PCSK2: variants seen among roughly 807,000 people sequenced by gnomAD.
The protein encoded by PCSK2 is proprotein convertase subtilisin/kexin type 2, also known as neuroendocrine convertase 2.
In PCSK2, 14 loss-of-function variants were observed where a neutral mutation model predicts 69.7. The ratio of observed to expected loss-of-function variants is 0.20; its 90% confidence interval spans 0.13 to 0.31. The LOEUF is 0.31. Among genes scored for constraint, PCSK2 ranks in the 10% least tolerant of loss-of-function variants. PCSK2 has a pLI of 1.00. For missense variants in PCSK2, 544 were observed against 842.5 expected, an observed-to-expected ratio of 0.65 and a Z score of 4.39; for synonymous variants, 307 against 320.7, an observed-to-expected ratio of 0.96 and a Z score of 0.46.
intron 2 of PCSK2, among the ~76,000 whole-genome samples, chr20:17,275,588 G>A (rs929867911): frequency 1.3e-5 from 2 of 152,146 alleles, no homozygotes; most frequent in African/African-American, 4.8e-5. Flanking sequence ...AAAGTAACCT[G>A]ACTAAAAATG....
intron 2 of PCSK2, among the ~76,000 whole-genome samples, chr20:17,333,409 G>A (rs1990253372): frequency 6.6e-6 from 1 of 152,140 alleles, no homozygotes; most frequent in Admixed American, 6.5e-5. Context: ...AGAATCTCAT[G>A]CTTCATGCTC....
intron 11 of PCSK2, among the ~76,000 whole-genome samples, chr20:17,470,487 C>T (rs895637278): frequency 5.3e-5 from 8 of 152,144 alleles, no homozygotes; most frequent in Non-Finnish European, 1.0e-4. Flanking sequence ...GAAGATGAGA[C>T]TGCAAGAAAG....
chr20:17,438,744 G>GC (rs1239457656), intron 8 of PCSK2, among the ~76,000 whole-genome samples: 5 of 152,286 alleles, frequency 3.3e-5, no homozygotes, highest in South Asian at 2.1e-4. Context: ...AGAAAGTTAT[G>GC]CCCCCCACAC....
chr20:17,482,158 C>A lies in PCSK2; in HGVS notation c.*88C>A. On this transcript the variant is annotated 3_prime_UTR_variant, in exon 12 of 12. Coordinates refer to ENST00000262545, the MANE Select transcript of PCSK2 (RefSeq NM_002594.5). ...GTTTCAGGCAGGCACCTAGCAATTC[C>A]ATCACCCGTACAGGCAATTCCGTCT... 8.0e-7 allele frequency: 1 copy of A among 1,253,604 alleles called. No homozygotes were observed. Among genetic ancestry groups the A allele is most frequent in the Non-Finnish European group, 1.1e-6 (1 of 922,468 alleles). The allele number at this position is 1,253,604 out of a possible 1,614,324, so 77.7% of individuals were successfully genotyped here.
chr20:17,274,844 G>C (rs1988000880), intron 2 of PCSK2, among the ~76,000 whole-genome samples: 2 of 151,980 alleles, frequency 1.3e-5, no homozygotes, highest in South Asian at 4.1e-4. Context: ...CAGTGCAGAG[G>C]GGATGAGTGG....
intron 2 of PCSK2, among the ~76,000 whole-genome samples, chr20:17,289,705 A>AT (rs543913513): frequency 2.5e-4 from 38 of 151,666 alleles, no homozygotes; most frequent in Admixed American, 2.6e-4. Flanking sequence ...TTTTGTCTCT[A>AT]TTTTTTTTAT....
intron 2 of PCSK2, among the ~76,000 whole-genome samples, chr20:17,318,092 G>C (rs979579237): frequency 1.3e-5 from 2 of 152,200 alleles, no homozygotes; most frequent in African/African-American, 4.8e-5. Flanking sequence ...TGCACGACTG[G>C]ATGTGTTCTA....
At chr20:17,324,310 A>G (rs1429134232) in intron 2 of PCSK2, among the ~76,000 whole-genome samples, 1 of 152,152 alleles carries the variant, frequency 6.6e-6, no homozygotes, top group African/African-American at 2.4e-5. Context: ...ACACCTCTGT[A>G]TGGATCTCTA....
chr20:17,336,636 G>A (rs1046727163), intron 2 of PCSK2, among the ~76,000 whole-genome samples: 7 of 152,180 alleles, frequency 4.6e-5, no homozygotes, highest in Admixed American at 3.3e-4. Context: ...TAAGCAGCAG[G>A]TGCCCCCACT....
intron 2 of PCSK2, among the ~76,000 whole-genome samples, chr20:17,297,625 C>T (rs73897878): frequency 0.019 from 2,820 of 152,266 alleles, 93 homozygotes; most frequent in African/African-American, 0.065. Flanking sequence ...ATGGCAAGAG[C>T]GGTTTATATA....
At chr20:17,367,494 A>G (rs189825037) in intron 4 of PCSK2, among the ~76,000 whole-genome samples, 3 of 152,368 alleles carry the variant, frequency 2.0e-5, no homozygotes, top group Admixed American at 6.5e-5. Context: ...CTGAGCCCAG[A>G]GTGGAACTGG....
intron 11 of PCSK2, among the ~76,000 whole-genome samples, chr20:17,469,324 T>C (rs1180174559): frequency 6.6e-6 from 1 of 152,116 alleles, no homozygotes; most frequent in East Asian, 1.9e-4. Context: ...ACCCTATTGT[T>C]GAGGGTGTGC....
chr20:17,478,543 A>G (rs1470508345), intron 11 of PCSK2, among the ~76,000 whole-genome samples: 3 of 152,368 alleles, frequency 2.0e-5, no homozygotes, highest in East Asian at 3.9e-4. Context: ...GAAAAAGTAA[A>G]CAAGTTAATC....
chr20:17,433,236 A>G (rs1366696595), intron 7 of PCSK2, among the ~76,000 whole-genome samples: 1 of 152,260 alleles, frequency 6.6e-6, no homozygotes, highest in Non-Finnish European at 1.5e-5. Context: ...AAGTGCTTTC[A>G]CATATTATTA....
At chr20:17,239,841 CTTTTTTTT>C (rs869179656) in intron 1 of PCSK2, among the ~76,000 whole-genome samples, 287 of 68,628 alleles carry the variant, frequency 4.2e-3, no homozygotes, top group Non-Finnish European at 5.7e-3. Flanking sequence ...GGTGAAAACA[CTTTTTTTT>C]TTTTTTTTTT....
At chr20:17,252,051 G>A (rs1479344678) in intron 1 of PCSK2, among the ~76,000 whole-genome samples, 1 of 152,186 alleles carries the variant, frequency 6.6e-6, no homozygotes. Context: ...AGGACTTTAA[G>A]AGCAAGTGTG....
At chr20:17,363,577 C>T (rs1355246679) in intron 4 of PCSK2, among the ~76,000 whole-genome samples, 1 of 152,138 alleles carries the variant, frequency 6.6e-6, no homozygotes, top group Admixed American at 6.5e-5. Flanking sequence ...GGACAAGAGT[C>T]ATCCAGCCCA....
Position 17,481,987 on chromosome 20 carries a change from G to T in PCSK2, c.1834G>T (p.Ala612Ser). ...GGTGCGGGATTACCAGTCCAAGTTG[G>T]CCATGTCCAAGAAAGAGGAGCTGGA... ...QVVRDYQSKL[A>S]MSKKEELEEE... Residue 612 changes from alanine to serine, a missense_variant, in exon 12 of 12, where the codon GCC becomes TCC. By Grantham distance (99) the Ala-to-Ser change is moderately conservative (BLOSUM62 1). This residue lies in a region of PCSK2 where 200 missense variants were observed against 287.8 expected (regional missense o/e 0.69). Transcript: ENST00000262545. 6.2e-7 allele frequency: 1 copy of T among 1,612,540 alleles called. No individual in the cohort carries two copies. Among genetic ancestry groups the T allele is most frequent in the South Asian group, 1.1e-5 (1 of 90,946 alleles).
At chr20:17,272,977 G>A (rs943391049) in intron 2 of PCSK2, among the ~76,000 whole-genome samples, 1 of 152,042 alleles carries the variant, frequency 6.6e-6, no homozygotes, top group East Asian at 1.9e-4. Context: ...AGTCCCTTGA[G>A]GCAATTTGAA....
Sources: allele counts gnomAD v4.1 joint callset (sites outside exome capture counted in the v4.1 genomes callset), GRCh38; gene constraint gnomAD v4.1.1; regional missense constraint gnomAD v4.1.1; transcripts MANE v1.5; gene names NCBI Gene and HGNC (gene_info 2026-07-23, HGNC 2026-07-21).